Variants in ATP2B2 observed in about 807,000 individuals in gnomAD.
ATP2B2 encodes plasma membrane calcium-transporting ATPase 2.
Under a neutral mutation model 120.0 loss-of-function variants are expected in ATP2B2, and 15 were observed. The observed-to-expected ratio is 0.12, with a 90% CI of 0.08 to 0.19. ATP2B2 has a LOEUF of 0.19. Ranked by LOEUF, ATP2B2 falls within the 10% of genes least tolerant of loss-of-function variation. The probability of loss-of-function intolerance (pLI) is 1.00; values close to 1 mark genes in which losing one functional copy is unlikely to be tolerated. For synonymous variants in ATP2B2, 694 were observed against 700.3 expected, an observed-to-expected ratio of 0.99 and a Z score of 0.14; for missense variants, 1,045 against 1,719.8, an observed-to-expected ratio of 0.61 and a Z score of 6.94.
At chr3:10,566,064 G>A (rs1175567792) in intron 2 of ATP2B2, among the ~76,000 whole-genome samples, 1 of 151,970 alleles carries the variant, frequency 6.6e-6, no homozygotes, top group Non-Finnish European at 1.5e-5. Context: ...CCAGCTATCT[G>A]CCCATGCACC....
intron 6 of ATP2B2, 23 bp downstream of exon 6, chr3:10,388,254 G>T: frequency 6.2e-7 from 1 of 1,614,020 alleles, no homozygotes; most frequent in Middle Eastern, 1.6e-4. Flanking sequence ...TCCTCTCCTG[G>T]TCTGCAAGGG....
chr3:10,522,742 C>T (rs1216247578), intron 3 of ATP2B2, among the ~76,000 whole-genome samples: 1 of 152,158 alleles, frequency 6.6e-6, no homozygotes, highest in Non-Finnish European at 1.5e-5. Flanking sequence ...TCACAGCAGC[C>T]TGGGGCAGGT....
At chr3:10,438,207 C>T (rs903408621) in intron 2 of ATP2B2, among the ~76,000 whole-genome samples, 1 of 152,192 alleles carries the variant, frequency 6.6e-6, no homozygotes. Context: ...CCCTTCCAGA[C>T]CTGTTGTCTC....
At chr3:10,683,222 G>A (rs886099035) in intron 1 of ATP2B2, among the ~76,000 whole-genome samples, 2 of 151,418 alleles carry the variant, frequency 1.3e-5, no homozygotes, top group East Asian at 1.9e-4. Flanking sequence ...AATCACAAGG[G>A]AGAGTTCTGG....
In ATP2B2 at chr3:10,456,912, G is replaced by C. The variant is rs1209223562; in HGVS notation, c.-319-7050C>G. Reference sequence around the variant, plus strand: ...CTCCATGCTGAACCCAAGGAAACAGGTGAACTCAGCCTGCAGTTGGGGGTG... The same window carrying C: ...CTCCATGCTGAACCCAAGGAAACAGCTGAACTCAGCCTGCAGTTGGGGGTG... On this transcript the variant is annotated intron_variant, in intron 1 of 22. Coordinates refer to ENST00000360273, the MANE Select transcript of ATP2B2 (RefSeq NM_001001331.4). Among the ~76,000 whole-genome samples the C allele has an allele frequency of 2.6e-5, 4 of 152,234 alleles. No homozygotes were observed. In the East Asian group the frequency reaches 7.7e-4, roughly 29 times the overall value.
At chr3:10,403,247 G>C (rs1185612616) in intron 3 of ATP2B2, among the ~76,000 whole-genome samples, 1 of 152,204 alleles carries the variant, frequency 6.6e-6, no homozygotes, top group Non-Finnish European at 1.5e-5. Flanking sequence ...CTTGTCAGAC[G>C]TCAGCTGAGG....
intron 1 of ATP2B2, among the ~76,000 whole-genome samples, chr3:10,703,456 A>G (rs1004433731): frequency 5.3e-5 from 8 of 152,132 alleles, no homozygotes; most frequent in African/African-American, 1.9e-4. Context: ...GAGAAAATTT[A>G]TATTCGGCTC....
Position 10,447,187 on chromosome 3 carries a change from G to A in ATP2B2, c.199+2158C>T, listed in dbSNP as rs577083452. The stretch of plus-strand genomic sequence containing the variant: ...CACCTTAGGCTGGGACTTAGTAGCT[G>A]TGTCTCAGGGTTTTACCGGGTCCTC... On this transcript the variant is annotated intron_variant, in intron 2 of 22. Coordinates refer to ENST00000360273, the MANE Select transcript of ATP2B2 (RefSeq NM_001001331.4). Among the ~76,000 whole-genome samples the A allele has an allele frequency of 2.0e-5, 3 of 152,352 alleles. No homozygotes were observed. In the South Asian group the frequency reaches 6.2e-4, roughly 32 times the overall value.
chr3:10,344,114 C>T (rs1319118711), intron 18 of ATP2B2, among the ~76,000 whole-genome samples: 3 of 152,214 alleles, frequency 2.0e-5, no homozygotes, highest in South Asian at 2.1e-4. Flanking sequence ...CCCTTGCCCC[C>T]GTCCTCCCCA....
At chr3:10,484,862 G>A (rs77637329) in intron 1 of ATP2B2, among the ~76,000 whole-genome samples, 3,214 of 152,368 alleles carry the variant, frequency 0.021, 64 homozygotes, top group South Asian at 0.032. Context: ...CTGGGTACCA[G>A]CTCACGTCTG....
At chr3:10,503,913 G>C (rs575360866) in intron 1 of ATP2B2, among the ~76,000 whole-genome samples, 8 of 152,210 alleles carry the variant, frequency 5.3e-5, no homozygotes, top group Non-Finnish European at 1.5e-5. Flanking sequence ...TACTGCATTC[G>C]TGTGTGTGCT....
At chr3:10,644,381 T>C (rs9823906) in intron 1 of ATP2B2, among the ~76,000 whole-genome samples, 51,225 of 152,132 alleles carry the variant, frequency 0.34, 13,632 homozygotes, top group African/African-American at 0.73. Flanking sequence ...CATGGAATCA[T>C]TATCTGACTC....
intron 7 of ATP2B2, among the ~76,000 whole-genome samples, chr3:10,385,847 TG>T (rs2061662341): frequency 6.6e-6 from 1 of 152,234 alleles, no homozygotes; most frequent in Non-Finnish European, 1.5e-5. Flanking sequence ...TTCATGCCCT[TG>T]ATTCAGGCCA....
At chr3:10,330,460 G>A (rs2059947373) in intron 22 of ATP2B2, among the ~76,000 whole-genome samples, 1 of 152,252 alleles carries the variant, frequency 6.6e-6, no homozygotes, top group Non-Finnish European at 1.5e-5. Context: ...GTCATCTCAA[G>A]AGTCTGATGG....
chr3:10,513,424 C>A (rs930496004), intron 3 of ATP2B2, among the ~76,000 whole-genome samples: 3 of 152,162 alleles, frequency 2.0e-5, no homozygotes, highest in African/African-American at 7.2e-5. Flanking sequence ...CCCCTGTGGA[C>A]CACTGTACAG....
At chr3:10,569,372 G>A (rs537280391) in intron 2 of ATP2B2, among the ~76,000 whole-genome samples, 17 of 152,302 alleles carry the variant, frequency 1.1e-4, no homozygotes, top group African/African-American at 3.9e-4. Context: ...AGCTTGGGAA[G>A]GTGAAGTGAC....
intron 2 of ATP2B2, among the ~76,000 whole-genome samples, chr3:10,427,137 G>A (rs1439884403): frequency 6.6e-6 from 1 of 152,214 alleles, no homozygotes; most frequent in African/African-American, 2.4e-5. Context: ...ATAGGGATAA[G>A]CAGTGTCTCT....
Position 10,687,801 on chromosome 3 carries a change from C to T in ATP2B2, c.-460+20114G>A, listed in dbSNP as rs964025128. 2.0e-5 allele frequency among the ~76,000 whole-genome samples: 3 copies of T among 152,066 alleles called. No homozygotes were observed. In the East Asian group the frequency reaches 5.8e-4, roughly 29 times the overall value. On this transcript the variant is annotated intron_variant, in intron 1 of 21. Transcript: ENST00000646379. Reference sequence around the variant, plus strand: ...GTTTGAACCTGGGAAGTGGAGGTTGCAGTGAGCTGAGATCACACCACCGCA... The same window carrying T: ...GTTTGAACCTGGGAAGTGGAGGTTGTAGTGAGCTGAGATCACACCACCGCA...
chr3:10,409,137 C>A (rs954760869), intron 3 of ATP2B2, among the ~76,000 whole-genome samples: 2 of 152,178 alleles, frequency 1.3e-5, no homozygotes, highest in Non-Finnish European at 2.9e-5. Flanking sequence ...GTGTTACACT[C>A]TTAGCTTTGT....
Sources: gnomAD v4.1 joint callset for allele counts (sites outside exome capture counted in the v4.1 genomes callset) on GRCh38, gnomAD v4.1.1 for gene constraint, MANE v1.5 for transcripts, NCBI Gene and HGNC (gene_info 2026-07-23, HGNC 2026-07-21) for gene names.